BABAM2: variants seen among roughly 807,000 people sequenced by gnomAD.
The protein encoded by BABAM2 is BRISC and BRCA1-A complex member 2.
BABAM2 carries 31 observed loss-of-function variants against 54.7 expected under a neutral mutation model. That is an observed-to-expected ratio of 0.57 (90% CI 0.43 to 0.77). The LOEUF is 0.77. Ranked by LOEUF, BABAM2 falls within the 30% of genes least tolerant of loss-of-function variation. The pLI is 0.00. For synonymous variants in BABAM2, 167 were observed against 162.9 expected, an observed-to-expected ratio of 1.03 and a Z score of -0.19; for missense variants, 364 against 455.8, an observed-to-expected ratio of 0.80 and a Z score of 1.83.
At chr2:28,151,485 C>A (rs147088259) in intron 7 of BABAM2, among the ~76,000 whole-genome samples, 2 of 152,062 alleles carry the variant, frequency 1.3e-5, no homozygotes, top group Non-Finnish European at 2.9e-5. Flanking sequence ...GCAGAAGAAT[C>A]GCTTGAAACC....
At chr2:28,259,555 T>TA (rs1684311553) in intron 10 of BABAM2, among the ~76,000 whole-genome samples, 1 of 152,226 alleles carries the variant, frequency 6.6e-6, no homozygotes, top group African/African-American at 2.4e-5. Context: ...GAATATTTAA[T>TA]TGTGTCTTTC....
At chr2:28,126,889 G>T in intron 6 of BABAM2, among the ~76,000 whole-genome samples, 1 of 146,874 alleles carries the variant, frequency 6.8e-6, no homozygotes, top group South Asian at 2.3e-4. Context: ...TTCTCTGATG[G>T]CCAGTGATGG....
At chr2:27,938,472 A>G (rs1573214311) in intron 3 of BABAM2, among the ~76,000 whole-genome samples, 1 of 151,722 alleles carries the variant, frequency 6.6e-6, no homozygotes, top group Non-Finnish European at 1.5e-5. Context: ...GCTCACTGCA[A>G]CCTCCGCCTC....
chr2:28,019,670 A>G (rs1012815556), intron 4 of BABAM2, among the ~76,000 whole-genome samples: 11 of 152,166 alleles, frequency 7.2e-5, no homozygotes, highest in South Asian at 4.1e-4. Context: ...TGATTTTCAT[A>G]TAAGGTAAGA....
chr2:28,224,769 A>G (rs67489060), intron 7 of BABAM2, among the ~76,000 whole-genome samples: 24,572 of 150,988 alleles, frequency 0.16, 2,893 homozygotes, highest in African/African-American at 0.33. Flanking sequence ...GCAGAATTCC[A>G]ATGTTTTGAC....
intron 10 of BABAM2, among the ~76,000 whole-genome samples, chr2:28,293,016 T>TG (rs1022855197): frequency 8.5e-5 from 13 of 152,234 alleles, no homozygotes; most frequent in African/African-American, 2.7e-4. Flanking sequence ...GTTACTACAC[T>TG]GAATGGCCAG....
At chr2:27,990,158 G>A (rs1362065741) in intron 4 of BABAM2, among the ~76,000 whole-genome samples, 1 of 152,138 alleles carries the variant, frequency 6.6e-6, no homozygotes, top group Non-Finnish European at 1.5e-5. Flanking sequence ...ACTACCCAGG[G>A]CTTCTTCATG....
intron 11 of BABAM2, chr2:28,309,442 A>G (rs1038693): frequency 0.67 from 101,331 of 152,034 alleles, 34,146 homozygotes; most frequent in Middle Eastern, 0.8. Flanking sequence ...TGGGGATTAC[A>G]CAGAAGGTGG....
At chr2:28,185,264 C>A (rs1050651779) in intron 7 of BABAM2, among the ~76,000 whole-genome samples, 3 of 152,144 alleles carry the variant, frequency 2.0e-5, no homozygotes, top group African/African-American at 7.2e-5. Context: ...TGCCTTCAGA[C>A]AGCCGTACAC....
At chr2:27,966,495 C>G (rs1670853704) in intron 3 of BABAM2, among the ~76,000 whole-genome samples, 1 of 152,330 alleles carries the variant, frequency 6.6e-6, no homozygotes, top group East Asian at 1.9e-4. Flanking sequence ...GACCAGGAGC[C>G]TCTGCATGAT....
intron 11 of BABAM2, among the ~76,000 whole-genome samples, chr2:28,335,947 C>G (rs1299190884): frequency 6.6e-6 from 1 of 152,186 alleles, no homozygotes; most frequent in Admixed American, 6.5e-5. Context: ...CCTTCACTTT[C>G]TTAGCTTCTC....
At chr2:28,182,981 A>G (rs1017612064) in intron 7 of BABAM2, among the ~76,000 whole-genome samples, 7 of 152,226 alleles carry the variant, frequency 4.6e-5, no homozygotes, top group African/African-American at 1.4e-4. Flanking sequence ...ACCAAAGCCC[A>G]TGAGGGTTCC....
At chr2:28,099,028 C>G (rs1313015530) in intron 6 of BABAM2, among the ~76,000 whole-genome samples, 1 of 152,142 alleles carries the variant, frequency 6.6e-6, no homozygotes, top group Non-Finnish European at 1.5e-5. Context: ...CTCTTGTTCA[C>G]TCAGAAACCC....
chr2:27,890,373 G>A (rs543611264), upstream of BABAM2: 3 of 1,603,950 alleles, frequency 1.9e-6, no homozygotes, highest in Admixed American at 1.7e-5. The surrounding 1 kb of genome is among the most constrained non-coding windows in gnomAD (Gnocchi z 4.8). Flanking sequence ...GTCCAACCTG[G>A]ACGGTGACCT....
At chr2:28,336,860 TCGTGCTTCC>T (rs1165892967) in intron 11 of BABAM2, among the ~76,000 whole-genome samples, 1 of 152,258 alleles carries the variant, frequency 6.6e-6, no homozygotes, top group African/African-American at 2.4e-5. Flanking sequence ...CGGTGAGTGC[TCGTGCTTCC>T]TGAGCAGTTT....
chr2:28,087,102 T>C (rs1319578105), intron 6 of BABAM2, among the ~76,000 whole-genome samples: 2 of 152,160 alleles, frequency 1.3e-5, no homozygotes, highest in African/African-American at 4.8e-5. Context: ...CATTGAGAGA[T>C]CTTCAAATGC....
rs573272475 is a variant in BABAM2 at position 28,168,563 on chromosome 2, A to G, written c.680+39183A>G. Among the ~76,000 whole-genome samples the G allele has an allele frequency of 1.8e-4, 28 of 152,302 alleles. No homozygotes were observed. In the South Asian group the frequency reaches 5.4e-3, roughly 29 times the overall value. ...TTTTGAAGTTTGAAAGGCGAGGGGC[A>G]TATAAAAAGGAAGTGGTTATGGCCC... On this transcript the variant is annotated intron_variant, in intron 7 of 11. Coordinates refer to ENST00000379624, the MANE Select transcript of BABAM2 (RefSeq NM_199191.3).
chr2:27,962,517 T>C (rs567300244), intron 3 of BABAM2, among the ~76,000 whole-genome samples: 144 of 152,354 alleles, frequency 9.5e-4, no homozygotes, highest in African/African-American at 3.4e-3. Flanking sequence ...AATTGGGTTT[T>C]CATTTTCAAA....
chr2:28,327,312 AGCAAGTCCTGGCCTTT>A, intron 11 of BABAM2: 2 of 1,612,888 alleles, frequency 1.2e-6, no homozygotes, highest in Non-Finnish European at 1.7e-6. Flanking sequence ...AGCCCGTGGG[AGCAAGTCCTGGCCTTT>A]GCAGTTGCAA....
Sources: gnomAD v4.1 joint callset for allele counts (sites outside exome capture counted in the v4.1 genomes callset) on GRCh38, gnomAD v4.1.1 for gene constraint, Gnocchi (gnomAD v3.1) non-coding constraint, MANE v1.5 for transcripts, NCBI Gene and HGNC (gene_info 2026-07-23, HGNC 2026-07-21) for gene names.